Variants in KAT8 observed in about 807,000 individuals in gnomAD.
The protein encoded by KAT8 is histone acetyltransferase KAT8.
KAT8 carries 40 observed loss-of-function variants against 62.9 expected under a neutral mutation model. The observed-to-expected ratio is 0.64, with a 90% CI of 0.49 to 0.83. The LOEUF (loss-of-function observed/expected upper bound fraction) is 0.83. Among genes scored for constraint, KAT8 ranks in the 40% least tolerant of loss-of-function variants. KAT8 has a pLI of 0.00. For missense variants in KAT8, 387 were observed against 614.8 expected (o/e 0.63, Z 3.92); for synonymous variants, 278 against 254.5 (o/e 1.09, Z -0.88).
At chr16:31,127,436 C>T (rs1201614934) in intron 5 of KAT8, 83 bp downstream of exon 5, 34 of 1,460,304 alleles carry the variant, frequency 2.3e-5, no homozygotes, top group Admixed American at 5.4e-5. Context: ...GCGGCTGCGC[C>T]GGCAGCTCCA....
Position 31,130,908 on chromosome 16 carries a change from G to A in KAT8, c.1312+8G>A. On this transcript the variant is annotated splice_region_variant and intron_variant, in intron 10 of 10. Transcript: ENST00000219797. ...AGAAACCACCCATCACAGGTGGGTG[G>A]GGGGCTGCTGTGTGTCGGGGGCGGT... is the stretch of plus-strand genomic sequence containing the variant. 2 of 1,610,812 alleles carry A rather than the reference G, an allele frequency of 1.2e-6. No homozygotes were observed. The highest frequency in any genetic ancestry group is 1.7e-6 in the Non-Finnish European group (2 of 1,179,386).
At chr16:31,120,127 C>T (rs375531333) in intron 1 of KAT8, 59 bp from the exon 2 acceptor site, 240 of 1,421,532 alleles carry the variant, frequency 1.7e-4, no homozygotes, top group Admixed American at 3.3e-4. Flanking sequence ...TCTCAGTGTG[C>T]AGGATTCCTT....
At chr16:31,124,252 T>TGGGCAAGTGACCTC (rs1252238774) in intron 3 of KAT8, among the ~76,000 whole-genome samples, 2 of 152,240 alleles carry the variant, frequency 1.3e-5, no homozygotes, top group Non-Finnish European at 2.9e-5. Context: ...TCTGTGACCT[T>TGGGCAAGTGACCTC]GGGCAAGTGA....
intron 3 of KAT8, 23 bp downstream of exon 3, chr16:31,120,537 G>C (rs544608321): frequency 3.2e-6 from 5 of 1,586,056 alleles, no homozygotes; most frequent in Non-Finnish European, 4.3e-6. Context: ...TCCCATCCAC[G>C]GGCCCAGGAG....
chr16:31,120,420 C>CA lies in KAT8; in HGVS notation c.369dup (p.Glu124ArgfsTer12). 1 of 1,614,042 alleles carries CA rather than the reference C, an allele frequency of 6.2e-7. No homozygotes were observed. The highest frequency in any genetic ancestry group is 8.5e-7 in the Non-Finnish European group (1 of 1,180,024). The stretch of plus-strand genomic sequence containing the variant: ...GTGAAGGATGCTGTACAGAAGAACT[C>CA]AGAGAAGTACCTGAGCGAGCTCGCA... On this transcript the variant is annotated frameshift_variant, in exon 3 of 11. Coordinates refer to ENST00000219797, the MANE Select transcript of KAT8 (RefSeq NM_032188.3). LOFTEE classifies it high-confidence loss of function.
At chr16:31,120,874 G>C (rs2057487790) in intron 3 of KAT8, 1 of 219,288 alleles carries the variant, frequency 4.6e-6, no homozygotes, top group African/African-American at 2.3e-5. Context: ...CAAGCACCCT[G>C]CCAAGTGCTG....
chr16:31,131,258 G>A lies in KAT8; in HGVS notation c.1376G>A (p.Ter459=). The A allele has an allele frequency of 1.9e-6, 3 of 1,614,192 alleles. No individual in the cohort carries two copies. Among genetic ancestry groups the A allele is most frequent in the Non-Finnish European group, 2.5e-6 (3 of 1,180,020 alleles). ...KHKQVKLSKK[*] ...AAGCAAGTCAAGCTCTCCAAGAAGTGAGCAGCCTGGCCCCTGCTGTCGGAC... is the reference window on the plus strand; with the variant it reads ...AAGCAAGTCAAGCTCTCCAAGAAGTAAGCAGCCTGGCCCCTGCTGTCGGAC... Residue 459 remains the stop codon, a stop_retained_variant, in exon 11 of 11, where the codon TGA becomes TAA. Coordinates refer to ENST00000219797, the MANE Select transcript of KAT8 (RefSeq NM_032188.3).
intron 6 of KAT8, 84 bp from the exon 7 acceptor site, chr16:31,129,933 C>G: frequency 6.7e-7 from 1 of 1,485,560 alleles, no homozygotes; most frequent in South Asian, 1.2e-5. Flanking sequence ...GCCCACTTCG[C>G]GTGGGCTGGT....
intron 3 of KAT8, chr16:31,126,832 G>C: frequency 1.7e-6 from 1 of 584,862 alleles, no homozygotes; most frequent in Non-Finnish European, 3.0e-6. Flanking sequence ...CTGGGATATC[G>C]GGGGTGGGGC....
chr16:31,131,211 C>A lies in KAT8; in HGVS notation c.1329C>A (p.Leu443=). ...KPPITVDSVC[L]KWAPPKHKQV... Reference sequence around the variant, plus strand: ...TCCCCACAGTGGACTCCGTCTGCCTCAAGTGGGCACCCCCCAAGCACAAGC... The same window carrying A: ...TCCCCACAGTGGACTCCGTCTGCCTAAAGTGGGCACCCCCCAAGCACAAGC... The change falls in exon 11 of 11, where the codon CTC becomes CTA. Residue 443 remains leucine (L), a synonymous_variant. Transcript: ENST00000219797. The A allele has an allele frequency of 6.2e-7, 1 of 1,614,132 alleles. No individual in the cohort carries two copies.
At position 31,130,782 on chromosome 16, in the gene KAT8, T is replaced by G. The variant is rs780323289; in HGVS notation, c.1194T>G (p.Ser398Arg). The stretch of plus-strand genomic sequence containing the variant: ...GTATCACCCAAAATGACATCATCAG[T>G]ACCCTGCAATCCCTCAATATGGTCA... The part of the protein sequence containing the change: ...MTSITQNDII[S>R]TLQSLNMVKY... The change falls in exon 10 of 11, where the codon AGT becomes AGG. Residue 398 changes from serine to arginine, a missense_variant. By Grantham distance (110) the Ser-to-Arg change is moderately radical. Around this residue, in one of 6 missense-constraint regions of KAT8, gnomAD observed 75 missense variants for 105.7 expected, o/e 0.71. Coordinates refer to ENST00000219797, the MANE Select transcript of KAT8 (RefSeq NM_032188.3). The G allele has an allele frequency of 6.2e-7, 1 of 1,614,186 alleles. No individual in the cohort carries two copies. Among genetic ancestry groups the G allele is most frequent in the Non-Finnish European group, 8.5e-7 (1 of 1,180,026 alleles).
At chr16:31,124,123 T>C (rs2057517611) in intron 3 of KAT8, 2 of 152,240 alleles carry the variant, frequency 1.3e-5, no homozygotes, top group Admixed American at 1.3e-4. Flanking sequence ...TTGTGAGAAT[T>C]GGGAAATGTG....
At chr16:31,125,938 A>T (rs910364750) in intron 3 of KAT8, 2 of 152,212 alleles carry the variant, frequency 1.3e-5, no homozygotes, top group African/African-American at 4.8e-5. Context: ...GCATACTTGG[A>T]CAGTGTTGCC....
intron 1 of KAT8, among the ~76,000 whole-genome samples, chr16:31,119,847 T>C (rs1271577296): frequency 1.3e-5 from 2 of 151,968 alleles, no homozygotes; most frequent in African/African-American, 2.4e-5. Context: ...GGCTTTTTTT[T>C]TTTTCGTCTT....
At chr16:31,126,711 G>A (rs2057533861) in intron 3 of KAT8, 1 of 335,732 alleles carries the variant, frequency 3.0e-6, no homozygotes, top group East Asian at 5.9e-5. Context: ...TTTCATTTGA[G>A]TCTCACAACT....
chr16:31,118,141 T>G, intron 1 of KAT8: 2 of 384,450 alleles, frequency 5.2e-6, no homozygotes, highest in Admixed American at 9.0e-5. Context: ...ACCAGGATTG[T>G]TCCCATTCCA....
rs1454570241 is a variant in KAT8 at position 31,130,374 on chromosome 16, G to C, written c.1006+14G>C. 1.2e-6 allele frequency: 2 copies of C among 1,614,208 alleles called. No homozygotes were observed. Among genetic ancestry groups the C allele is most frequent in the South Asian group, 2.2e-5 (2 of 91,092 alleles). ...TCATCGCTTTCAGTGAGTGGTTCCT[G>C]GCCTGTCTGGGAGGGGGAGACCTGT... On this transcript the variant is annotated intron_variant, in intron 8 of 10. Coordinates refer to ENST00000219797, the MANE Select transcript of KAT8 (RefSeq NM_032188.3).
Position 31,117,866 on chromosome 16 carries a change from T to C in KAT8, c.185T>C (p.Leu62Pro). 1 of 1,404,536 alleles carries C rather than the reference T, an allele frequency of 7.1e-7. No homozygotes were observed. Among genetic ancestry groups the C allele is most frequent in the East Asian group, 3.0e-5 (1 of 33,132 alleles). The allele number at this position is 1,404,536 out of a possible 1,614,324, so 87.0% of individuals were successfully genotyped here. Reference sequence around the variant, plus strand: ...ACGGTGGAGATCGGAGAAACGTACCTGTGCCGGCGACCGGATAGCACCTGG... The same window carrying C: ...ACGGTGGAGATCGGAGAAACGTACCCGTGCCGGCGACCGGATAGCACCTGG... ...EVTVEIGETY[L>P]CRRPDSTWHS... is the part of the protein sequence containing the mutation. The change falls in exon 1 of 11, where the codon CTG becomes CCG. Residue 62 changes from leucine to proline, a missense_variant. By Grantham distance (98) the Leu-to-Pro change is moderately conservative. Coordinates refer to ENST00000219797, the MANE Select transcript of KAT8 (RefSeq NM_032188.3).
At chr16:31,118,026 G>A in intron 1 of KAT8, 134 bp downstream of exon 1, 1 of 682,460 alleles carries the variant, frequency 1.5e-6, no homozygotes, top group Non-Finnish European at 2.1e-6. Flanking sequence ...GGGGCTTGAG[G>A]AAAGAACGCC....
Sources: allele counts gnomAD v4.1 joint callset (sites outside exome capture counted in the v4.1 genomes callset), GRCh38; gene constraint gnomAD v4.1.1; regional missense constraint gnomAD v4.1.1; transcripts MANE v1.5; gene names NCBI Gene and HGNC (gene_info 2026-07-23, HGNC 2026-07-21).